The following DIAPH3 variants were observed in gnomAD, a reference collection of about 807,000 sequenced individuals.
DIAPH3 encodes the protein diaphanous related formin 3.
A neutral mutation model predicts 144.3 loss-of-function variants in DIAPH3; 117 were observed. That is an observed-to-expected ratio of 0.81 (90% CI 0.70 to 0.95). The LOEUF is 0.95. Ranked by LOEUF, DIAPH3 falls within the 40% of genes least tolerant of loss-of-function variation. DIAPH3 has a pLI of 0.00. For synonymous variants in DIAPH3, 519 were observed against 488.9 expected (o/e 1.06, Z -0.81); for missense variants, 1,421 against 1,412.7 (o/e 1.01, Z -0.09).
In DIAPH3 at chr13:60,042,750, T is replaced by C. The variant is rs369191795; in HGVS notation, c.566A>G (p.Asp189Gly). 5 of 1,613,800 alleles carry C rather than the reference T, an allele frequency of 3.1e-6. No individual in the cohort carries two copies. Among genetic ancestry groups the C allele is most frequent in the Non-Finnish European group, 4.2e-6 (5 of 1,179,806 alleles). The change falls in exon 5 of 28, where the codon GAT (aspartate) becomes GGT (glycine). Residue 189 changes from aspartate (D) to glycine (G), a missense_variant. By Grantham distance (94) the Asp-to-Gly change is moderately conservative (BLOSUM62 -1). Transcript: ENST00000400324. ...FIHELKMGSA[D>G]ERLVTCLESL... is the part of the protein sequence containing the mutation. ...CTCCAGGCATGTGACAAGTCTCTCA[T>C]CTGCAGACCCCATTTTCAGCTCATG...
In DIAPH3 at chr13:59,974,366, C is replaced by A. The variant is rs762809019; in HGVS notation, c.1636G>T (p.Ala546Ser). Residue 546 changes from alanine (A) to serine (S), a missense_variant, in exon 15 of 28, where the codon GCT (alanine) becomes TCT (serine). Coordinates refer to ENST00000400324, the MANE Select transcript of DIAPH3 (RefSeq NM_001042517.2). ...TGGAATTTTACCTGAGACTTAAAAG[C>A]TTGTAGCTCTGCTTGAAGCTCATTA... ...KINELQAELQ[A>S]FKSQFGALPA... The A allele has an allele frequency of 6.2e-7, 1 of 1,612,250 alleles. No individual in the cohort carries two copies.
intron 4 of DIAPH3, among the ~76,000 whole-genome samples, chr13:60,059,372 C>T (rs1419489313): frequency 2.0e-5 from 3 of 151,940 alleles, no homozygotes; most frequent in East Asian, 3.9e-4. Flanking sequence ...ACTGTATGAA[C>T]GTAATCTTAA....
In DIAPH3 at chr13:59,971,174, C is replaced by T. The variant is rs756903531; in HGVS notation, c.1651-14G>A. ...CAAGGCACCAAACTGGAGAAAAAAACAATAAGAGACATAACTAAGAACATA... is the reference window on the plus strand; with the variant it reads ...CAAGGCACCAAACTGGAGAAAAAAATAATAAGAGACATAACTAAGAACATA... On this transcript the variant is annotated splice_polypyrimidine_tract_variant and intron_variant, in intron 15 of 27. Transcript: ENST00000400324. 1 of 1,555,912 alleles carries T rather than the reference C, an allele frequency of 6.4e-7. No individual in the cohort carries two copies. Among genetic ancestry groups the T allele is most frequent in the African/African-American group, 1.4e-5 (1 of 73,454 alleles).
At position 59,867,296 on chromosome 13, in the gene DIAPH3, T is replaced by TA. The variant is rs201223028; in HGVS notation, c.2608-5761dup. Reference sequence around the variant, plus strand: ...AGATGACAGAGTGAGACCTGGCTCTTAAAAAAAACAACAAAACAAAACAAG... The same window carrying TA: ...AGATGACAGAGTGAGACCTGGCTCTTAAAAAAAAACAACAAAACAAAACAAG... On this transcript the variant is annotated intron_variant, in intron 21 of 27. Coordinates refer to ENST00000400324, the MANE Select transcript of DIAPH3 (RefSeq NM_001042517.2). Among the ~76,000 whole-genome samples the TA allele has an allele frequency of 3.5e-3, 532 of 150,616 alleles. 3 individuals carry two copies. Among genetic ancestry groups the TA allele is most frequent in the African/African-American group, 0.012 (496 of 41,198 alleles).
intron 27 of DIAPH3, among the ~76,000 whole-genome samples, chr13:59,773,210 C>G (rs775503087): frequency 6.6e-6 from 1 of 152,124 alleles, no homozygotes; most frequent in Non-Finnish European, 1.5e-5. Flanking sequence ...CCTTTACTGT[C>G]ATTTGTTAAG....
chr13:59,852,909 A>T (rs1325782884), intron 22 of DIAPH3, among the ~76,000 whole-genome samples: 1 of 152,210 alleles, frequency 6.6e-6, no homozygotes, highest in African/African-American at 2.4e-5. Flanking sequence ...AACAATAAAT[A>T]ATCACGGAAA....
At chr13:59,934,512 T>C (rs910597584) in intron 17 of DIAPH3, among the ~76,000 whole-genome samples, 1 of 152,160 alleles carries the variant, frequency 6.6e-6, no homozygotes, top group Non-Finnish European at 1.5e-5. Context: ...CACCAGTCCC[T>C]GACAGTCTTC....
At chr13:60,016,209 T>C (rs2053637353) in intron 5 of DIAPH3, 64 bp from the exon 6 acceptor site, 15 of 1,361,002 alleles carry the variant, frequency 1.1e-5, no homozygotes, top group African/African-American at 1.4e-5. Flanking sequence ...TCATATTATA[T>C]ACCTACAAGT....
chr13:59,858,004 A>AT (rs2043352285), intron 22 of DIAPH3, among the ~76,000 whole-genome samples: 3 of 152,208 alleles, frequency 2.0e-5, no homozygotes, highest in Admixed American at 2.0e-4. Flanking sequence ...CAAAAGTCCC[A>AT]TTTTGTGGCA....
chr13:60,076,498 T>C (rs1421299481), intron 4 of DIAPH3, among the ~76,000 whole-genome samples: 1 of 152,180 alleles, frequency 6.6e-6, no homozygotes, highest in African/African-American at 2.4e-5. Flanking sequence ...TGTCAAAACG[T>C]TGACATAACA....
chr13:60,082,334 T>C (rs1025531402), intron 4 of DIAPH3, among the ~76,000 whole-genome samples: 4 of 148,074 alleles, frequency 2.7e-5, no homozygotes, highest in Non-Finnish European at 4.5e-5. Context: ...AAATCCAACA[T>C]ACAGATAACA....
chr13:59,842,404 G>A (rs1286479407), intron 22 of DIAPH3, among the ~76,000 whole-genome samples: 3 of 152,022 alleles, frequency 2.0e-5, no homozygotes, highest in African/African-American at 7.2e-5. Context: ...ATGTTGGGAG[G>A]GAACATAGAT....
intron 5 of DIAPH3, among the ~76,000 whole-genome samples, chr13:60,024,480 T>C (rs1234859853): frequency 1.3e-5 from 2 of 152,224 alleles, no homozygotes; most frequent in African/African-American, 4.8e-5. Context: ...TGTATTTCTT[T>C]GCTGAGACTT....
At chr13:59,840,857 T>C (rs1486700214) in intron 22 of DIAPH3, among the ~76,000 whole-genome samples, 1 of 152,000 alleles carries the variant, frequency 6.6e-6, no homozygotes, top group East Asian at 1.9e-4. Context: ...TCTGTGATAC[T>C]TTGAATTTAC....
At chr13:60,032,363 G>C (rs1360071240) in intron 5 of DIAPH3, among the ~76,000 whole-genome samples, 2 of 152,180 alleles carry the variant, frequency 1.3e-5, no homozygotes, top group African/African-American at 4.8e-5. Context: ...GGTTCTATGT[G>C]AGGATTCTGC....
chr13:59,772,538 G>A (rs2038175075), intron 27 of DIAPH3, among the ~76,000 whole-genome samples: 1 of 151,896 alleles, frequency 6.6e-6, no homozygotes, highest in South Asian at 2.1e-4. Flanking sequence ...ATGCTCATCT[G>A]CTATATATAT....
chr13:59,825,849 T>C (rs1465737852), intron 24 of DIAPH3, among the ~76,000 whole-genome samples: 2 of 152,166 alleles, frequency 1.3e-5, no homozygotes, highest in Non-Finnish European at 2.9e-5. Context: ...CAGAAGTGTC[T>C]GTTCATATCC....
At chr13:59,763,993 A>T (rs2139210377) in intron 27 of DIAPH3, among the ~76,000 whole-genome samples, 1 of 152,010 alleles carries the variant, frequency 6.6e-6, no homozygotes, top group South Asian at 2.1e-4. Flanking sequence ...TAGACTGTTC[A>T]TTATATCCAG....
intron 5 of DIAPH3, among the ~76,000 whole-genome samples, chr13:60,022,368 T>C (rs2054085950): frequency 6.6e-6 from 1 of 152,302 alleles, no homozygotes; most frequent in African/African-American, 2.4e-5. Context: ...CATCAGTAAA[T>C]AGAATATTAA....
Sources: gnomAD v4.1 joint callset for allele counts (sites outside exome capture counted in the v4.1 genomes callset) on GRCh38, gnomAD v4.1.1 for gene constraint, MANE v1.5 for transcripts, NCBI Gene and HGNC (gene_info 2026-07-23, HGNC 2026-07-21) for gene names.